The following KCNN3 variants were observed in gnomAD, a reference collection of about 807,000 sequenced individuals.
KCNN3 encodes the protein potassium calcium-activated channel subfamily N member 3.
KCNN3 carries 16 observed loss-of-function variants against 62.9 expected under a neutral mutation model. That is an observed-to-expected ratio of 0.25 (90% CI 0.17 to 0.39). KCNN3 has a LOEUF of 0.39. KCNN3 is among the 10% of genes least tolerant of loss of function. The pLI, the probability that KCNN3 is intolerant of heterozygous loss-of-function variation, is 1.00. For missense variants in KCNN3, 599 were observed against 949.4 expected, an observed-to-expected ratio of 0.63 and a Z score of 4.85; for synonymous variants, 370 against 389.2, an observed-to-expected ratio of 0.95 and a Z score of 0.58.
In KCNN3 at chr1:154,702,753, T is replaced by TTTTTC. The variant is rs1699883426; in HGVS notation, c.*5218_*5222dup. ...TATATATATATATATATATATGTAC[T>TTTTTC]TTTTCTTTTTGGCTATAAATGTCAA... On this transcript the variant is annotated 3_prime_UTR_variant, in exon 8 of 8. Coordinates refer to ENST00000271915, the MANE Select transcript of KCNN3 (RefSeq NM_002249.6). 1.5e-5 allele frequency: 2 copies of TTTTTC among 134,528 alleles called. No individual in the cohort carries two copies. Among genetic ancestry groups the TTTTTC allele is most frequent in the Non-Finnish European group, 3.2e-5 (2 of 62,152 alleles). The allele number at this position is 134,528 out of a possible 1,614,324, so 8.3% of individuals were successfully genotyped here. A position where few individuals can be genotyped will look rare whatever the true frequency, so the allele number is the denominator to read the frequency against.
chr1:154,747,862 C>T (rs1188235793), intron 3 of KCNN3, among the ~76,000 whole-genome samples: 1 of 152,208 alleles, frequency 6.6e-6, no homozygotes, highest in African/African-American at 2.4e-5. Context: ...TCCTCCAATC[C>T]ATGCTCCCCC....
intron 5 of KCNN3, 52 bp from the exon 6 acceptor site, chr1:154,715,055 C>A (rs1700203208): frequency 1.2e-6 from 2 of 1,608,322 alleles, no homozygotes; most frequent in East Asian, 4.5e-5. Flanking sequence ...TTCTTAGGTT[C>A]ATTTTTGTGG....
At chr1:154,757,879 T>C (rs752376192) in intron 3 of KCNN3, among the ~76,000 whole-genome samples, 53 of 152,192 alleles carry the variant, frequency 3.5e-4, no homozygotes, top group Non-Finnish European at 5.1e-4. Flanking sequence ...AATACCTGGC[T>C]GCTTCACTGG....
chr1:154,717,090 A>C (rs564280877), intron 5 of KCNN3, among the ~76,000 whole-genome samples: 1 of 152,354 alleles, frequency 6.6e-6, no homozygotes, highest in South Asian at 2.1e-4. Flanking sequence ...GAGGGCTGCT[A>C]TGAGGCAGTG....
intron 2 of KCNN3, among the ~76,000 whole-genome samples, chr1:154,811,645 G>C (rs540161614): frequency 1.3e-5 from 2 of 152,304 alleles, no homozygotes; most frequent in East Asian, 3.9e-4. Flanking sequence ...AATCGGGGCA[G>C]TTCATCTCTT....
chr1:154,841,031 A>G lies in KCNN3; in HGVS notation c.934-18847T>C, dbSNP rs1289729414. On this transcript the variant is annotated intron_variant, in intron 1 of 7. Transcript: ENST00000271915. ...GGGGCAGGCCTGCCCCTGCGGGGTC[A>G]GGCCCCGACCTAATCAGGACCCTGG... Among the ~76,000 whole-genome samples, 3 of 152,286 alleles carry G rather than the reference A, an allele frequency of 2.0e-5. No individual in the cohort carries two copies. The East Asian group carries it at 5.8e-4, about 29-fold the overall frequency.
chr1:154,806,646 G>T (rs906274), intron 2 of KCNN3, among the ~76,000 whole-genome samples: 53,187 of 152,054 alleles, frequency 0.35, 11,794 homozygotes, highest in African/African-American at 0.63. Flanking sequence ...AATCCTGAGA[G>T]CATGAGAACA....
intron 3 of KCNN3, among the ~76,000 whole-genome samples, chr1:154,751,043 C>G (rs1293561985): frequency 2.0e-5 from 3 of 152,188 alleles, no homozygotes; most frequent in African/African-American, 7.2e-5. Flanking sequence ...AAGCGGAGAA[C>G]TGGGCATCTG....
intron 3 of KCNN3, among the ~76,000 whole-genome samples, chr1:154,754,727 A>C (rs943728135): frequency 6.6e-6 from 1 of 152,236 alleles, no homozygotes; most frequent in Non-Finnish European, 1.5e-5. Flanking sequence ...TGATGATGCC[A>C]TAGAGCAGCA....
intron 1 of KCNN3, among the ~76,000 whole-genome samples, chr1:154,850,064 T>C (rs1002165749): frequency 6.6e-6 from 1 of 152,158 alleles, no homozygotes; most frequent in Non-Finnish European, 1.5e-5. Context: ...CTTTCTCCCC[T>C]ACTCATGCCA....
At chr1:154,743,402 C>T (rs1331979811) in intron 3 of KCNN3, among the ~76,000 whole-genome samples, 2 of 152,176 alleles carry the variant, frequency 1.3e-5, no homozygotes, top group Non-Finnish European at 2.9e-5. Context: ...GAAAAAAAGC[C>T]GAAGTCCCCT....
intron 2 of KCNN3, among the ~76,000 whole-genome samples, chr1:154,814,208 T>C (rs1650560706): frequency 6.6e-6 from 1 of 152,228 alleles, no homozygotes; most frequent in African/African-American, 2.4e-5. Flanking sequence ...TGTTAGAGGC[T>C]CTACTTTCTC....
intron 5 of KCNN3, among the ~76,000 whole-genome samples, chr1:154,720,721 C>T (rs990286632): frequency 6.6e-6 from 1 of 152,188 alleles, no homozygotes; most frequent in Non-Finnish European, 1.5e-5. Context: ...AGAGCTAAGC[C>T]TGAGAGTCTA....
chr1:154,742,016 C>A (rs1013983939), intron 3 of KCNN3, among the ~76,000 whole-genome samples: 1 of 152,264 alleles, frequency 6.6e-6, no homozygotes, highest in Non-Finnish European at 1.5e-5. Flanking sequence ...CCTCTCTCCT[C>A]GGAACACTGC....
At chr1:154,818,030 C>T (rs1440527388) in intron 2 of KCNN3, among the ~76,000 whole-genome samples, 2 of 152,148 alleles carry the variant, frequency 1.3e-5, no homozygotes, top group East Asian at 1.9e-4. Flanking sequence ...AGCTAAACCA[C>T]AGAAGTAAAT....
At chr1:154,804,167 G>A (rs573615332) in intron 2 of KCNN3, among the ~76,000 whole-genome samples, 12 of 152,300 alleles carry the variant, frequency 7.9e-5, no homozygotes, top group Admixed American at 3.9e-4. Flanking sequence ...AAGCCACCCC[G>A]TTCCTCTCCC....
chr1:154,741,127 A>G (rs1360725568), intron 3 of KCNN3, among the ~76,000 whole-genome samples: 2 of 152,224 alleles, frequency 1.3e-5, no homozygotes, highest in Non-Finnish European at 2.9e-5. Context: ...TTGATTTTGC[A>G]TATGGTGTGA....
chr1:154,719,268 T>C (rs1700296426), intron 5 of KCNN3, among the ~76,000 whole-genome samples: 1 of 152,156 alleles, frequency 6.6e-6, no homozygotes. Context: ...ACTTGGAGGT[T>C]GGAGACGGGG....
chr1:154,714,985 T>C lies in KCNN3; in HGVS notation c.1720A>G (p.Asn574Asp). ...LTKRIKNAAA[N>D]VLRETWLIYK... The stretch of plus-strand genomic sequence containing the variant: ...ATTAACCATGTTTCCCGAAGGACAT[T>C]GGCTGCAGCATTCTTGATCTAAGGA... The change falls in exon 6 of 8, where the codon AAT becomes GAT. Residue 574 changes from asparagine (N) to aspartate (D), a missense_variant. Physicochemically the swap from Asn to Asp is conservative, Grantham distance 23. Coordinates refer to ENST00000271915, the MANE Select transcript of KCNN3 (RefSeq NM_002249.6). 2 of 1,613,766 alleles carry C rather than the reference T, an allele frequency of 1.2e-6. No homozygotes were observed. The highest frequency in any genetic ancestry group is 1.7e-6 in the Non-Finnish European group (2 of 1,179,750).
Sources: gnomAD v4.1 joint callset for allele counts (sites outside exome capture counted in the v4.1 genomes callset) on GRCh38, gnomAD v4.1.1 for gene constraint, MANE v1.5 for transcripts, NCBI Gene and HGNC (gene_info 2026-07-23, HGNC 2026-07-21) for gene names.